TIMELESS: variants seen among roughly 807,000 people sequenced by gnomAD.
TIMELESS encodes the protein protein timeless homolog.
Under a neutral mutation model 164.3 loss-of-function variants are expected in TIMELESS, and 124 were observed. The ratio of observed to expected loss-of-function variants is 0.75; its 90% CI spans 0.65 to 0.88. The LOEUF is 0.88. Ranked by LOEUF, TIMELESS falls within the 40% of genes least tolerant of loss-of-function variation. The pLI, the probability that TIMELESS is intolerant of heterozygous loss-of-function variation, is 0.00. For missense variants in TIMELESS, 1,422 were observed against 1,491.4 expected (o/e 0.95, Z 0.77); for synonymous variants, 564 against 563.4 (o/e 1.00, Z -0.02).
intron 1 of TIMELESS, among the ~76,000 whole-genome samples, chr12:56,443,858 GCAGGGCCTTCAGCCTGGTC>G (rs1868312637): frequency 6.6e-6 from 1 of 151,562 alleles, no homozygotes; most frequent in Non-Finnish European, 1.5e-5. Flanking sequence ...TGCAACCTGA[GCAGGGCCTTCAGCCTGGTC>G]CAGCAAATCA....
At position 56,423,256 on chromosome 12, in the gene TIMELESS, T is replaced by G. The variant is rs200690233; in HGVS notation, c.2292+18A>C. ...TTCCCATACCCTTCCAGAACCCCATTCCTTGTTATCCCCTCACTTTGTAGG... is the reference window on the plus strand; with the variant it reads ...TTCCCATACCCTTCCAGAACCCCATGCCTTGTTATCCCCTCACTTTGTAGG... On this transcript the variant is annotated intron_variant, in intron 18 of 28. Coordinates refer to ENST00000553532, the MANE Select transcript of TIMELESS (RefSeq NM_003920.5). 6.2e-5 allele frequency: 100 copies of G among 1,613,548 alleles called. No homozygotes were observed. The highest frequency in any genetic ancestry group is 7.7e-5 in the Non-Finnish European group (91 of 1,179,824).
At chr12:56,425,570 T>G (rs1051392762) in intron 13 of TIMELESS, among the ~76,000 whole-genome samples, 8 of 152,176 alleles carry the variant, frequency 5.3e-5, no homozygotes, top group Admixed American at 3.9e-4. Flanking sequence ...AAGCCTCTAA[T>G]TTTTTCTCCT....
intron 1 of TIMELESS, among the ~76,000 whole-genome samples, chr12:56,443,892 G>A (rs1396498488): frequency 1.3e-5 from 2 of 151,374 alleles, no homozygotes; most frequent in Admixed American, 6.6e-5. Context: ...AAATCATTTC[G>A]GTATTCTTTT....
At chr12:56,426,431 G>A (rs1042077805) in intron 13 of TIMELESS, among the ~76,000 whole-genome samples, 2 of 149,770 alleles carry the variant, frequency 1.3e-5, no homozygotes, top group Admixed American at 1.3e-4. Context: ...TTGTTGCCCA[G>A]GCTGGAGTGC....
chr12:56,437,808 C>T (rs1882120546), intron 1 of TIMELESS, among the ~76,000 whole-genome samples: 1 of 152,100 alleles, frequency 6.6e-6, no homozygotes, highest in Non-Finnish European at 1.5e-5. Flanking sequence ...ATCAACTCAT[C>T]AACGCTCATG....
chr12:56,423,348 C>A lies in TIMELESS; in HGVS notation c.2218G>T (p.Ala740Ser). The A allele has an allele frequency of 1.2e-6, 2 of 1,614,172 alleles. No individual in the cohort carries two copies. The highest frequency in any genetic ancestry group is 1.7e-6 in the Non-Finnish European group (2 of 1,180,048). ...AAGACTGACAGCTGAAAAAGTAGGG[C>A]TTCCATTTTGAGGTCATGGGCCAGC... ...HRLAHDLKME[A>S]LLFQLSVFCL... Residue 740 changes from alanine to serine, a missense_variant, in exon 18 of 29, where the codon GCC (alanine) becomes TCC (serine). Coordinates refer to ENST00000553532, the MANE Select transcript of TIMELESS (RefSeq NM_003920.5).
At position 56,422,122 on chromosome 12, in the gene TIMELESS, G is replaced by A. The variant is rs1469701652; in HGVS notation, c.2508C>T (p.Ala836=). Residue 836 remains alanine (A), a synonymous_variant, in exon 20 of 29, where the codon GCC becomes GCT. Transcript: ENST00000553532. ...GCCTCTCACCTTCCACGTCCTTATT[G>A]GCGAGGTACAGCTCCCGAAGATGAG... ...EEAHLRELYL[A]NKDVEGQDVV... The A allele has an allele frequency of 1.3e-5, 21 of 1,614,098 alleles. No homozygotes were observed. The highest frequency in any genetic ancestry group is 1.6e-5 in the Non-Finnish European group (19 of 1,180,020).
At position 56,421,904 on chromosome 12, in the gene TIMELESS, G is replaced by A. The variant is rs762859669; in HGVS notation, c.2637C>T (p.Phe879=). The change falls in exon 21 of 29, where the codon TTC becomes TTT. Residue 879 remains phenylalanine, a synonymous_variant. Coordinates refer to ENST00000553532, the MANE Select transcript of TIMELESS (RefSeq NM_003920.5). ...CAGAGCATGTGCCTCTCTACCTTTGGAAGTCCTTGACACTGTCAGCCAGTC... is the reference window on the plus strand; with the variant it reads ...CAGAGCATGTGCCTCTCTACCTTTGAAAGTCCTTGACACTGTCAGCCAGTC... ...QMGLADSVKD[F]QRKGTHIVLW... 15 of 1,614,012 alleles carry A rather than the reference G, an allele frequency of 9.3e-6. No individual in the cohort carries two copies. In the Admixed American group the frequency reaches 1.2e-4, roughly 13 times the overall value.
rs1212774181 is a variant in TIMELESS, at chr12:56,434,179, G to A, written c.-9C>T. 6.2e-7 allele frequency: 1 copy of A among 1,608,300 alleles called. No homozygotes were observed. The highest frequency in any genetic ancestry group is 2.2e-5 in the East Asian group (1 of 44,846). On this transcript the variant is annotated 5_prime_UTR_variant, in exon 2 of 29. Coordinates refer to ENST00000553532, the MANE Select transcript of TIMELESS (RefSeq NM_003920.5). ...ATCATGTGCAAGTCCATACATCAGT[G>A]GACCAACCAACAGAGAAGGAAGTGG...
Position 56,428,996 on chromosome 12 carries a change from GC to G in TIMELESS, c.1190del (p.Gly397AlafsTer25). ...GGACACTGAGGGTCTCAGAAACCAG[GC>G]CTGGCCGGAAGGAGGCAGCTCGGTT... ...AFNRAASFRP[G>X]LVSETLSVRT... On this transcript the variant is annotated frameshift_variant, in exon 11 of 29. Coordinates refer to ENST00000553532, the MANE Select transcript of TIMELESS (RefSeq NM_003920.5). LOFTEE classifies it high-confidence loss of function. 2 of 1,614,158 alleles carry G rather than the reference GC, an allele frequency of 1.2e-6. No individual in the cohort carries two copies. Among genetic ancestry groups the G allele is most frequent in the Non-Finnish European group, 1.7e-6 (2 of 1,180,034 alleles).
chr12:56,443,898 CTTT>C (rs1225876764), intron 1 of TIMELESS, among the ~76,000 whole-genome samples: 5 of 134,792 alleles, frequency 3.7e-5, no homozygotes, highest in Admixed American at 1.5e-4. Flanking sequence ...TTTCGGTATT[CTTT>C]TTTTTTTTTT....
At chr12:56,443,678 C>T (rs1415238150) in intron 1 of TIMELESS, among the ~76,000 whole-genome samples, 6 of 152,144 alleles carry the variant, frequency 3.9e-5, no homozygotes, top group Non-Finnish European at 5.9e-5. Context: ...CGGCTCAAGT[C>T]GCCATCATGG....
chr12:56,435,768 G>T (rs1482389954), intron 1 of TIMELESS, among the ~76,000 whole-genome samples: 1 of 151,952 alleles, frequency 6.6e-6, no homozygotes, highest in African/African-American at 2.4e-5. Flanking sequence ...CACCATCCTG[G>T]CTAACACGGT....
In TIMELESS at chr12:56,421,095, C is replaced by T; in HGVS notation, c.2908G>A (p.Asp970Asn). 6.2e-7 allele frequency: 1 copy of T among 1,614,168 alleles called. No individual in the cohort carries two copies. Among genetic ancestry groups the T allele is most frequent in the East Asian group, 2.2e-5 (1 of 44,888 alleles). Reference sequence around the variant, plus strand: ...GGCAGGTTTTCCTCTTCTTCCAGATCTTCCTGGCAAAAATCTTTCAGGGAC... The same window carrying T: ...GGCAGGTTTTCCTCTTCTTCCAGATTTTCCTGGCAAAAATCTTTCAGGGAC... ...AESLKDFCQE[D>N]LEEEENLPEE... Residue 970 changes from aspartate to asparagine, a missense_variant, in exon 24 of 29, where the codon GAT becomes AAT. Physicochemically the swap from Asp to Asn is conservative, Grantham distance 23. Coordinates refer to ENST00000553532, the MANE Select transcript of TIMELESS (RefSeq NM_003920.5).
chr12:56,436,930 A>ATTT (rs879488638), intron 1 of TIMELESS, among the ~76,000 whole-genome samples: 2 of 143,296 alleles, frequency 1.4e-5, no homozygotes, highest in African/African-American at 2.6e-5. Flanking sequence ...CGAGCATGCA[A>ATTT]TTTTTTTTTT....
At position 56,432,447 on chromosome 12, in the gene TIMELESS, G is replaced by A; in HGVS notation, c.609C>T (p.Leu203=). The A allele has an allele frequency of 1.9e-6, 3 of 1,614,244 alleles. No homozygotes were observed. Among genetic ancestry groups the A allele is most frequent in the African/African-American group, 2.7e-5 (2 of 75,062 alleles). ...IHLSGLDDLL[L]FLASSSAEEQ... is the part of the protein sequence containing the mutation. ...CCTCAGCAGACGAGCTGGCCAGAAA[G>A]AGGAGCAGGTCATCCAGGCCGCTGA... The change falls in exon 7 of 29, where the codon CTC becomes CTT. Residue 203 remains leucine (L), a synonymous_variant. Transcript: ENST00000553532.
intron 17 of TIMELESS, 51 bp from the exon 18 acceptor site, chr12:56,423,526 C>T (rs1454455313): frequency 1.9e-6 from 3 of 1,613,030 alleles, no homozygotes; most frequent in East Asian, 2.2e-5. Context: ...AGACATAGCT[C>T]ATCCTCACAG....
chr12:56,425,199 C>CT (rs35382350), intron 13 of TIMELESS, 47 bp from the exon 14 acceptor site: 719,881 of 1,557,014 alleles, frequency 0.46, 171,461 homozygotes, highest in East Asian at 0.68. Context: ...CTAAAGAGGG[C>CT]TTTCCCCATC....
At chr12:56,439,295 G>A (rs965724728) in intron 1 of TIMELESS, among the ~76,000 whole-genome samples, 5 of 151,218 alleles carry the variant, frequency 3.3e-5, no homozygotes, top group African/African-American at 4.9e-5. Flanking sequence ...AGTGGCTCAC[G>A]CCTGTAATCC....
Sources: allele counts gnomAD v4.1 joint callset (sites outside exome capture counted in the v4.1 genomes callset), GRCh38; gene constraint gnomAD v4.1.1; transcripts MANE v1.5; gene names NCBI Gene and HGNC (gene_info 2026-07-23, HGNC 2026-07-21).